The following LSAMP variants were observed in gnomAD, a reference collection of about 807,000 sequenced individuals.
LSAMP encodes the protein limbic system-associated membrane protein.
Under a neutral mutation model 38.6 loss-of-function variants are expected in LSAMP, and 7 were observed. That is an observed-to-expected ratio of 0.18 (90% CI 0.10 to 0.34). The LOEUF (loss-of-function observed/expected upper bound fraction) is 0.34. LSAMP is among the 10% of genes least tolerant of loss of function. The probability of loss-of-function intolerance (pLI) is 1.00; values close to 1 mark genes in which losing one functional copy is unlikely to be tolerated. For missense variants in LSAMP, 313 were observed against 420.0 expected (o/e 0.75, Z 2.23); for synonymous variants, 154 against 166.8 (o/e 0.92, Z 0.59).
chr3:116,347,881 A>C (rs1012297499), intron 1 of LSAMP, among the ~76,000 whole-genome samples: 1 of 152,180 alleles, frequency 6.6e-6, no homozygotes. Flanking sequence ...ACAAGGAAAG[A>C]CAGATATAAA....
At chr3:115,951,772 C>A (rs1435563189) in intron 3 of LSAMP, among the ~76,000 whole-genome samples, 1 of 152,162 alleles carries the variant, frequency 6.6e-6, no homozygotes, top group African/African-American at 2.4e-5. Context: ...GGCTTCCTTG[C>A]TCCCCAGCTT....
intron 3 of LSAMP, among the ~76,000 whole-genome samples, chr3:115,856,376 G>T (rs1215074702): frequency 6.6e-6 from 1 of 152,126 alleles, no homozygotes; most frequent in Non-Finnish European, 1.5e-5. Flanking sequence ...CTAGCACTTT[G>T]GGAGGCCGAG....
intron 1 of LSAMP, among the ~76,000 whole-genome samples, chr3:116,145,536 T>A (rs1322717407): frequency 6.6e-6 from 1 of 151,968 alleles, no homozygotes; most frequent in Non-Finnish European, 1.5e-5. Flanking sequence ...ACTGATTGAA[T>A]GAGGTCCAAG....
chr3:116,356,024 C>T (rs1252579435), intron 1 of LSAMP, among the ~76,000 whole-genome samples: 1 of 152,066 alleles, frequency 6.6e-6, no homozygotes, highest in African/African-American at 2.4e-5. Context: ...TCAGAGGTTC[C>T]TCAAAAAACT....
At chr3:116,190,312 A>G (rs1270340424) in intron 1 of LSAMP, among the ~76,000 whole-genome samples, 3 of 152,036 alleles carry the variant, frequency 2.0e-5, no homozygotes, top group Admixed American at 2.0e-4. Context: ...CCCCCTTTTT[A>G]TTAGACGCAG....
intron 2 of LSAMP, among the ~76,000 whole-genome samples, chr3:116,024,367 A>C (rs959157668): frequency 2.0e-5 from 3 of 152,192 alleles, no homozygotes; most frequent in Admixed American, 6.5e-5. Context: ...GTCAGAAAGG[A>C]ATAAGTTTTC....
At chr3:116,114,364 A>G (rs1429826536) in intron 1 of LSAMP, among the ~76,000 whole-genome samples, 1 of 152,198 alleles carries the variant, frequency 6.6e-6, no homozygotes. Flanking sequence ...CAGTGTCCAG[A>G]GCAATCCTAG....
chr3:115,935,706 G>A (rs1316819722), intron 3 of LSAMP, among the ~76,000 whole-genome samples: 1 of 152,132 alleles, frequency 6.6e-6, no homozygotes, highest in African/African-American at 2.4e-5. Context: ...TGGCAGGATG[G>A]GGGTATGTCT....
chr3:116,279,348 A>G (rs935566362), intron 1 of LSAMP, among the ~76,000 whole-genome samples: 1 of 152,196 alleles, frequency 6.6e-6, no homozygotes, highest in Non-Finnish European at 1.5e-5. Context: ...CTGATTTCCA[A>G]CTAGGCTTTC....
intron 3 of LSAMP, among the ~76,000 whole-genome samples, chr3:115,875,613 G>A (rs938275279): frequency 1.3e-5 from 2 of 152,004 alleles, no homozygotes; most frequent in Admixed American, 6.6e-5. Flanking sequence ...ATATTCATGT[G>A]AGGGGTCACT....
chr3:115,816,598 A>G (rs1328802653), intron 6 of LSAMP: 3 of 1,284,352 alleles, frequency 2.3e-6, no homozygotes, highest in Admixed American at 4.6e-5. Context: ...AAGGTAACCA[A>G]AAATAAGAAC....
intron 3 of LSAMP, among the ~76,000 whole-genome samples, chr3:115,930,405 T>A (rs557114885): frequency 5.3e-5 from 8 of 152,094 alleles, no homozygotes; most frequent in Non-Finnish European, 1.0e-4. Context: ...AATTCAACAG[T>A]AACAATATGA....
intron 3 of LSAMP, among the ~76,000 whole-genome samples, chr3:115,933,364 T>C (rs1370853246): frequency 6.6e-6 from 1 of 152,122 alleles, no homozygotes; most frequent in Non-Finnish European, 1.5e-5. Context: ...ATGCAAAGGA[T>C]GAATGGGTTG....
At chr3:116,438,972 A>T (rs985328138) in intron 1 of LSAMP, among the ~76,000 whole-genome samples, 1 of 152,058 alleles carries the variant, frequency 6.6e-6, no homozygotes, top group Non-Finnish European at 1.5e-5. Context: ...TTTTTTACTG[A>T]TATCTATTTA....
At chr3:116,140,395 A>G (rs972261333) in intron 1 of LSAMP, among the ~76,000 whole-genome samples, 4 of 151,976 alleles carry the variant, frequency 2.6e-5, no homozygotes, top group African/African-American at 9.7e-5. Context: ...TGCTTTTTAT[A>G]CAGAAAGTCA....
At chr3:116,067,008 G>A (rs1174632156) in intron 2 of LSAMP, among the ~76,000 whole-genome samples, 1 of 152,050 alleles carries the variant, frequency 6.6e-6, no homozygotes, top group African/African-American at 2.4e-5. Flanking sequence ...AGAAAGAGAA[G>A]CCTCAGCTTA....
intron 1 of LSAMP, 65 bp from the exon 2 acceptor site, chr3:116,086,621 T>A: frequency 2.4e-6 from 3 of 1,264,088 alleles, no homozygotes; most frequent in Non-Finnish European, 3.5e-6. Context: ...CTTCTCTAGG[T>A]GATCAGACTC....
chr3:115,994,624 G>T (rs1939764556), intron 3 of LSAMP, among the ~76,000 whole-genome samples: 1 of 151,890 alleles, frequency 6.6e-6, no homozygotes, highest in African/African-American at 2.4e-5. Context: ...CCCAAATACT[G>T]GTAGTGGAAT....
intron 3 of LSAMP, among the ~76,000 whole-genome samples, chr3:115,945,318 A>G (rs1938059087): frequency 6.6e-6 from 1 of 152,114 alleles, no homozygotes; most frequent in African/African-American, 2.4e-5. Context: ...AAGCATTCCT[A>G]GGATTAATCT....
Sources: gnomAD v4.1 joint callset for allele counts (sites outside exome capture counted in the v4.1 genomes callset) on GRCh38, gnomAD v4.1.1 for gene constraint, MANE v1.5 for transcripts, NCBI Gene and HGNC (gene_info 2026-07-23, HGNC 2026-07-21) for gene names.